Variants in DZIP3 observed in about 807,000 individuals in gnomAD.
DZIP3 encodes E3 ubiquitin-protein ligase DZIP3.
In DZIP3, 118 loss-of-function variants were observed where a neutral mutation model predicts 162.0. The ratio of observed to expected loss-of-function variants is 0.73; its 90% CI spans 0.63 to 0.85. The LOEUF (loss-of-function observed/expected upper bound fraction) is 0.85. Among genes scored for constraint, DZIP3 ranks in the 40% least tolerant of loss-of-function variants. DZIP3 has a pLI of 0.00. For synonymous variants in DZIP3, 438 were observed against 458.6 expected, an observed-to-expected ratio of 0.96 and a Z score of 0.57; for missense variants, 1,331 against 1,407.0, an observed-to-expected ratio of 0.95 and a Z score of 0.86.
chr3:108,610,355 G>C (rs1406050395), intron 3 of DZIP3, among the ~76,000 whole-genome samples: 2 of 152,036 alleles, frequency 1.3e-5, no homozygotes, highest in Non-Finnish European at 2.9e-5. Context: ...TTTCCTTGTG[G>C]CAATGACCTA....
At position 108,633,060 on chromosome 3, in the gene DZIP3, C is replaced by G. The variant is rs533812262; in HGVS notation, c.804C>G (p.Asn268Lys). 5 of 1,472,728 alleles carry G rather than the reference C, an allele frequency of 3.4e-6. No homozygotes were observed. In the East Asian group the frequency reaches 1.0e-4, roughly 30 times the overall value. The allele number at this position is 1,472,728 out of a possible 1,614,324, so 91.2% of individuals were successfully genotyped here. Residue 268 changes from asparagine (N) to lysine (K), a missense_variant, in exon 9 of 33, where the codon AAC becomes AAG. Physicochemically the swap from Asn to Lys is moderately conservative, Grantham distance 94. Around this residue, in one of 2 missense-constraint regions of DZIP3, gnomAD observed 1,278 missense variants for 1,317.1 expected, o/e 0.97. Transcript: ENST00000361582. ...CTTGTGAAGCTGACATTTTGAAGAA[C>G]ACCAGTTATAAGGTACTGTAATTGT... Reference protein sequence around the residue: ...ERSCEADILKNTSYKGFFQLM... With the variant: ...ERSCEADILKKTSYKGFFQLM...
intron 19 of DZIP3, 81 bp from the exon 20 acceptor site, chr3:108,661,796 A>G: frequency 9.1e-7 from 1 of 1,101,064 alleles, no homozygotes; most frequent in South Asian, 1.5e-5. Context: ...AAGGAGTTAG[A>G]TGGCAACTTT....
intron 31 of DZIP3, among the ~76,000 whole-genome samples, chr3:108,689,514 T>G (rs1944614846): frequency 6.6e-6 from 1 of 152,084 alleles, no homozygotes; most frequent in South Asian, 2.1e-4. Flanking sequence ...AAACCCCATC[T>G]CTACTAAAAA....
rs1446913389 is a variant in DZIP3 at position 108,622,685 on chromosome 3, C to CTATATCTGCT, written c.376-1759_376-1758insTATATCTGCT. On this transcript the variant is annotated intron_variant, in intron 5 of 32. Transcript: ENST00000361582. ...TCCTTGGTCACTGCTGCTATATCTG[C>CTATATCTGCT]ATTAGGGGACACTCTAAGCCCAGTA... Among the ~76,000 whole-genome samples the CTATATCTGCT allele has an allele frequency of 1.4e-4, 22 of 152,190 alleles. No individual in the cohort carries two copies. In the South Asian group the frequency reaches 4.6e-3, roughly 32 times the overall value.
rs553515326 is a variant in DZIP3, at chr3:108,621,587, T to C, written c.376-2857T>C. Among the ~76,000 whole-genome samples the C allele has an allele frequency of 1.1e-4, 17 of 152,336 alleles. No homozygotes were observed. In the East Asian group the frequency reaches 3.3e-3, roughly 29 times the overall value. On this transcript the variant is annotated intron_variant, in intron 5 of 32. Coordinates refer to ENST00000361582, the MANE Select transcript of DZIP3 (RefSeq NM_014648.4). The stretch of plus-strand genomic sequence containing the variant: ...TGCCCACTTAGGTTAAAATGGCTTA[T>C]GTACAAAATACAGGCAATAACAAAT...
At chr3:108,593,776 A>G (rs1939560480) in intron 1 of DZIP3, among the ~76,000 whole-genome samples, 2 of 145,584 alleles carry the variant, frequency 1.4e-5, no homozygotes, top group South Asian at 2.2e-4. Context: ...CCCCGGGCTT[A>G]TCTTCCCACC....
intron 13 of DZIP3, among the ~76,000 whole-genome samples, chr3:108,643,695 G>T (rs1024951194): frequency 3.3e-5 from 5 of 151,642 alleles, no homozygotes; most frequent in East Asian, 3.9e-4. Flanking sequence ...CACCCAAACC[G>T]CATTTCCAAT....
chr3:108,656,215 C>A (rs529214729), intron 19 of DZIP3, among the ~76,000 whole-genome samples: 1 of 152,204 alleles, frequency 6.6e-6, no homozygotes, highest in Admixed American at 6.5e-5. Flanking sequence ...ATCCCTGAAC[C>A]CTGAGTAGCC....
intron 3 of DZIP3, among the ~76,000 whole-genome samples, chr3:108,609,623 T>C (rs781582795): frequency 1.3e-5 from 2 of 152,158 alleles, no homozygotes; most frequent in Non-Finnish European, 2.9e-5. Context: ...GATTGATTGC[T>C]TAAGCTCAAG....
chr3:108,657,249 T>G (rs1943175445), intron 19 of DZIP3, among the ~76,000 whole-genome samples: 1 of 152,246 alleles, frequency 6.6e-6, no homozygotes, highest in South Asian at 2.1e-4. Flanking sequence ...AAAGGTCGGG[T>G]TACCCACAAA....
chr3:108,684,962 A>T (rs1944446466), intron 27 of DZIP3, among the ~76,000 whole-genome samples: 2 of 152,200 alleles, frequency 1.3e-5, no homozygotes, highest in Admixed American at 6.5e-5. Context: ...AAAATCTTCC[A>T]AAAGAATGAT....
At chr3:108,624,420 A>G (rs758569528) in intron 5 of DZIP3, 24 bp from the exon 6 acceptor site, 21 of 1,372,152 alleles carry the variant, frequency 1.5e-5, no homozygotes, top group East Asian at 2.3e-5. Flanking sequence ...TAAATAACCA[A>G]TTAACATATT....
intron 28 of DZIP3, among the ~76,000 whole-genome samples, chr3:108,686,995 C>T (rs1180985597): frequency 2.0e-5 from 3 of 151,980 alleles, no homozygotes; most frequent in Non-Finnish European, 2.9e-5. Flanking sequence ...TTTGAGGGTC[C>T]TTATAGTTTC....
At chr3:108,591,853 G>A (rs573014401) in intron 1 of DZIP3, among the ~76,000 whole-genome samples, 4 of 152,056 alleles carry the variant, frequency 2.6e-5, no homozygotes, top group South Asian at 4.1e-4. Context: ...AAAATTAGCC[G>A]GGCATGGGTG....
At chr3:108,667,999 A>G (rs1943752256) in intron 21 of DZIP3, among the ~76,000 whole-genome samples, 2 of 152,138 alleles carry the variant, frequency 1.3e-5, no homozygotes, top group African/African-American at 4.8e-5. Flanking sequence ...TCATCTGAAC[A>G]TTGCCCAAGA....
At position 108,634,860 on chromosome 3, in the gene DZIP3, T is replaced by A. The variant is rs1347994863; in HGVS notation, c.817-11T>A. ...TGTCCTTATTGATAACTTACTTTTA[T>A]TTTTTTCCAGGGATTTTTTCAGTTA... is the stretch of plus-strand genomic sequence containing the variant. On this transcript the variant is annotated splice_polypyrimidine_tract_variant and intron_variant, in intron 9 of 32. Transcript: ENST00000361582. The A allele has an allele frequency of 1.3e-6, 2 of 1,578,868 alleles. No individual in the cohort carries two copies. Among genetic ancestry groups the A allele is most frequent in the Non-Finnish European group, 1.7e-6 (2 of 1,155,240 alleles).
At chr3:108,608,836 C>T (rs1040047211) in intron 3 of DZIP3, among the ~76,000 whole-genome samples, 19 of 152,096 alleles carry the variant, frequency 1.2e-4, no homozygotes, top group African/African-American at 4.6e-4. Context: ...TTAGTCTGTT[C>T]TCATACTGCT....
intron 21 of DZIP3, among the ~76,000 whole-genome samples, chr3:108,664,409 T>G (rs542879415): frequency 6.6e-6 from 1 of 152,176 alleles, no homozygotes; most frequent in South Asian, 2.1e-4. Context: ...GCTGGGGTAG[T>G]GTTGGCAGTA....
At chr3:108,631,055 A>ACACTCTCTCT in intron 8 of DZIP3, among the ~76,000 whole-genome samples, 19 of 18,010 alleles carry the variant, frequency 1.1e-3, no homozygotes, top group Admixed American at 1.7e-3. Context: ...ACACACACAC[A>ACACTCTCTCT]CTCTCTCTCT....
Sources: allele counts gnomAD v4.1 joint callset (sites outside exome capture counted in the v4.1 genomes callset), GRCh38; gene constraint gnomAD v4.1.1; regional missense constraint gnomAD v4.1.1; transcripts MANE v1.5; gene names NCBI Gene and HGNC (gene_info 2026-07-23, HGNC 2026-07-21).